Variants in SPAG6 observed in about 807,000 individuals in gnomAD.
SPAG6 encodes the protein sperm associated antigen 6.
A neutral mutation model predicts 58.5 loss-of-function variants in SPAG6; 49 were observed. That is an observed-to-expected ratio of 0.84 (90% CI 0.67 to 1.06). The LOEUF (loss-of-function observed/expected upper bound fraction) is 1.06. Ranked by LOEUF, SPAG6 falls within the 50% of genes least tolerant of loss-of-function variation. SPAG6 has a pLI of 0.00. For missense variants in SPAG6, 560 were observed against 611.3 expected (o/e 0.92, Z 0.89); for synonymous variants, 233 against 225.6 (o/e 1.03, Z -0.29).
rs138747707 is a variant in SPAG6 at position 22,409,286 on chromosome 10, A to G, written c.1315-1745A>G. Among the ~76,000 whole-genome samples, 3 of 152,356 alleles carry G rather than the reference A, an allele frequency of 2.0e-5. No homozygotes were observed. The East Asian group carries it at 5.8e-4, about 29-fold the overall frequency. On this transcript the variant is annotated intron_variant, in intron 9 of 10. Transcript: ENST00000376624. ...ATGAAAATTCTCCAGGCCAAATGAAATATGTAAAACCAATATATTTATAGA... is the reference window on the plus strand; with the variant it reads ...ATGAAAATTCTCCAGGCCAAATGAAGTATGTAAAACCAATATATTTATAGA...
chr10:22,372,511 C>T (rs1467630277), intron 4 of SPAG6, among the ~76,000 whole-genome samples: 1 of 152,100 alleles, frequency 6.6e-6, no homozygotes, highest in Non-Finnish European at 1.5e-5. Flanking sequence ...GAGGCCGCTG[C>T]AGGAGGCTCC....
intron 2 of SPAG6, among the ~76,000 whole-genome samples, chr10:22,353,058 C>A (rs1327232906): frequency 6.6e-6 from 1 of 152,156 alleles, no homozygotes. Flanking sequence ...CCTTTGTATA[C>A]ATATATTAAT....
chr10:22,348,554 G>T (rs1275316350), intron 2 of SPAG6, among the ~76,000 whole-genome samples: 8 of 152,058 alleles, frequency 5.3e-5, no homozygotes, highest in Non-Finnish European at 1.2e-4. Flanking sequence ...ATGGATCCAA[G>T]ATAATGTAAA....
chr10:22,398,962 G>T (rs544853528), intron 8 of SPAG6, among the ~76,000 whole-genome samples: 1 of 152,110 alleles, frequency 6.6e-6, no homozygotes, highest in Non-Finnish European at 1.5e-5. Flanking sequence ...GGGACTACAG[G>T]CACCCACCAC....
chr10:22,357,572 A>AT (rs1324729953), intron 2 of SPAG6, among the ~76,000 whole-genome samples: 3 of 151,768 alleles, frequency 2.0e-5, no homozygotes, highest in Non-Finnish European at 4.4e-5. Context: ...TAGGGAACTG[A>AT]TTTTTTTCTC....
chr10:22,387,745 A>C (rs1463240785), intron 5 of SPAG6, 78 bp from the exon 6 acceptor site: 12 of 1,377,320 alleles, frequency 8.7e-6, no homozygotes, highest in African/African-American at 1.5e-5. Context: ...TATATATAAA[A>C]CTGTTTACAT....
At chr10:22,346,717 T>C (rs1434548725) in intron 2 of SPAG6, among the ~76,000 whole-genome samples, 1 of 152,138 alleles carries the variant, frequency 6.6e-6, no homozygotes, top group Non-Finnish European at 1.5e-5. Flanking sequence ...ATGATTACTC[T>C]GGGTTTCTTT....
At chr10:22,416,501 A>G in intron 10 of SPAG6, 118 bp from the exon 11 acceptor site, 1 of 612,798 alleles carries the variant, frequency 1.6e-6, no homozygotes, top group Non-Finnish European at 3.0e-6. Context: ...ATAATTATTC[A>G]GAGTGTATTT....
intron 8 of SPAG6, among the ~76,000 whole-genome samples, chr10:22,397,276 A>G (rs79278805): frequency 0.035 from 5,304 of 152,188 alleles, 124 homozygotes; most frequent in Non-Finnish European, 0.052. Flanking sequence ...CATGGGATAC[A>G]AGATCAATAT....
intron 4 of SPAG6, among the ~76,000 whole-genome samples, chr10:22,378,167 G>A (rs1442128119): frequency 2.0e-5 from 3 of 148,264 alleles, no homozygotes; most frequent in Admixed American, 6.9e-5. Flanking sequence ...GGGTTCAAAC[G>A]ATTCACCCAC....
intron 2 of SPAG6, chr10:22,360,891 C>A: frequency 2.0e-6 from 2 of 981,156 alleles, no homozygotes; most frequent in Non-Finnish European, 3.1e-6. Flanking sequence ...CTTTTTATTT[C>A]CTTCCTTCCT....
chr10:22,394,654 C>A (rs535605069), intron 8 of SPAG6, among the ~76,000 whole-genome samples: 3 of 152,274 alleles, frequency 2.0e-5, no homozygotes, highest in Admixed American at 6.5e-5. Context: ...CATTAATTTA[C>A]TTTCTGTCTC....
Position 22,368,739 on chromosome 10 carries a change from G to A in SPAG6, c.472+61G>A, listed in dbSNP as rs1270112717. 2.2e-6 allele frequency: 3 copies of A among 1,336,244 alleles called. No homozygotes were observed. The African/African-American group carries it at 4.4e-5, about 20-fold the overall frequency. The allele number at this position is 1,336,244 out of a possible 1,614,324, so 82.8% of individuals were successfully genotyped here. A position where few individuals can be genotyped will look rare whatever the true frequency, so the allele number is the denominator to read the frequency against. ...GGATTATTACAATTCAGATTTATTA[G>A]GTAAATCCAGTTTTGCTTAGTAAAA... On this transcript the variant is annotated intron_variant, in intron 4 of 10. Transcript: ENST00000376624.
intron 2 of SPAG6, among the ~76,000 whole-genome samples, chr10:22,359,143 T>G (rs886885963): frequency 6.6e-6 from 1 of 152,200 alleles, no homozygotes; most frequent in Non-Finnish European, 1.5e-5. Flanking sequence ...TTATTTCTTA[T>G]TGGACCCCAG....
At chr10:22,376,830 G>C (rs770253688) in intron 4 of SPAG6, among the ~76,000 whole-genome samples, 1 of 152,008 alleles carries the variant, frequency 6.6e-6, no homozygotes, top group Non-Finnish European at 1.5e-5. Context: ...TATGCCTATA[G>C]TCCCAGCACT....
In SPAG6 at chr10:22,414,835, C is replaced by T. The variant is rs546914779; in HGVS notation, c.1461-1784C>T. On this transcript the variant is annotated intron_variant, in intron 10 of 10. Transcript: ENST00000376624. Reference sequence around the variant, plus strand: ...AGACTGGAGTTCAATGGCGTGATCTCGGCTCACTGCAACTGCCACCTCTGG... The same window carrying T: ...AGACTGGAGTTCAATGGCGTGATCTTGGCTCACTGCAACTGCCACCTCTGG... Among the ~76,000 whole-genome samples, 7 of 152,276 alleles carry T rather than the reference C, an allele frequency of 4.6e-5. No individual in the cohort carries two copies. The East Asian group carries it at 1.2e-3, about 25-fold the overall frequency.
chr10:22,346,563 G>A (rs957622509), intron 2 of SPAG6, among the ~76,000 whole-genome samples: 3 of 135,830 alleles, frequency 2.2e-5, no homozygotes, highest in Non-Finnish European at 3.1e-5. Flanking sequence ...TTTTTTTTTG[G>A]ATGATTCTAC....
At chr10:22,415,081 TC>T (rs1834836937) in intron 10 of SPAG6, among the ~76,000 whole-genome samples, 2 of 152,268 alleles carry the variant, frequency 1.3e-5, no homozygotes, top group East Asian at 3.9e-4. Context: ...CAGCCATTTT[TC>T]TAGTCCTCAG....
intron 4 of SPAG6, among the ~76,000 whole-genome samples, chr10:22,385,373 A>G (rs1159425526): frequency 6.6e-6 from 1 of 152,122 alleles, no homozygotes; most frequent in East Asian, 1.9e-4. Flanking sequence ...TTCTATTTTA[A>G]AAACAGAGCA....
Sources: gnomAD v4.1 joint callset for allele counts (sites outside exome capture counted in the v4.1 genomes callset) on GRCh38, gnomAD v4.1.1 for gene constraint, MANE v1.5 for transcripts, NCBI Gene and HGNC (gene_info 2026-07-23, HGNC 2026-07-21) for gene names.